Variants in IGF1R observed in about 807,000 individuals in gnomAD.
IGF1R encodes insulin like growth factor 1 receptor, also known as insulin-like growth factor 1 receptor.
Under a neutral mutation model 144.6 loss-of-function variants are expected in IGF1R, and 44 were observed. That is an observed-to-expected ratio of 0.30 (90% confidence interval 0.24 to 0.39). The LOEUF is 0.39. Ranked by LOEUF, IGF1R falls within the 10% of genes least tolerant of loss-of-function variation. The pLI is 1.00. For synonymous variants in IGF1R, 795 were observed against 722.8 expected (o/e 1.10, Z -1.60); for missense variants, 1,355 against 1,833.7 (o/e 0.74, Z 4.77).
At position 98,870,170 on chromosome 15, in the gene IGF1R, A is replaced by G. The variant is rs189840698; in HGVS notation, c.641-21155A>G. Reference sequence around the variant, plus strand: ...CAGTTCAGTGACAGTAAGAACATTCACATTGTTTTGCAGCCGTGACCATCA... The same window carrying G: ...CAGTTCAGTGACAGTAAGAACATTCGCATTGTTTTGCAGCCGTGACCATCA... On this transcript the variant is annotated intron_variant, in intron 2 of 20. Transcript: ENST00000650285. Among the ~76,000 whole-genome samples the G allele has an allele frequency of 5.4e-4, 83 of 152,368 alleles. No homozygotes were observed. The East Asian group carries it at 0.015, about 28-fold the overall frequency.
In IGF1R at chr15:98,717,693, A is replaced by G. The variant is rs8037148; in HGVS notation, c.640+9586A>G. On this transcript the variant is annotated intron_variant, in intron 2 of 20. Transcript: ENST00000650285. The stretch of plus-strand genomic sequence containing the variant: ...AATTTATTTTGTTTGCAAGTTTGGT[A>G]TTTGGGAGCATTTAAGAAATATCCA... 6.0e-3 allele frequency among the ~76,000 whole-genome samples: 907 copies of G among 152,286 alleles called. 12 individuals are homozygous for G. The highest frequency in any genetic ancestry group is 0.021 in the African/African-American group (884 of 41,556).
At chr15:98,942,119 T>C (rs2151717884) in intron 18 of IGF1R, among the ~76,000 whole-genome samples, 1 of 152,288 alleles carries the variant, frequency 6.6e-6, no homozygotes, top group African/African-American at 2.4e-5. Context: ...ACTTTTGTCA[T>C]CATGAATTGT....
intron 19 of IGF1R, among the ~76,000 whole-genome samples, chr15:98,946,125 C>T (rs2151723355): frequency 1.4e-5 from 2 of 146,370 alleles, no homozygotes; most frequent in Middle Eastern, 6.8e-3. Flanking sequence ...GCATCATCTT[C>T]TTCACAGAAG....
At chr15:98,878,899 G>C (rs2013222459) in intron 2 of IGF1R, among the ~76,000 whole-genome samples, 1 of 152,090 alleles carries the variant, frequency 6.6e-6, no homozygotes, top group Admixed American at 6.5e-5. Flanking sequence ...GGGAAGCTGA[G>C]GCAGGAGAAT....
intron 20 of IGF1R, 43 bp from the exon 21 acceptor site, chr15:98,957,018 C>T (rs568877877): frequency 2.5e-5 from 40 of 1,612,104 alleles, no homozygotes; most frequent in African/African-American, 1.5e-4. Flanking sequence ...TGGCCATGTG[C>T]GCCCTCCCGG....
At position 98,957,379 on chromosome 15, in the gene IGF1R, C is replaced by G; in HGVS notation, c.4041C>G (p.Ala1347=). The G allele has an allele frequency of 6.2e-7, 1 of 1,613,414 alleles. No individual in the cohort carries two copies. Among genetic ancestry groups the G allele is most frequent in the Non-Finnish European group, 8.5e-7 (1 of 1,179,996 alleles). ...GCTTCGACGAGAGACAGCCTTACGC[C>G]CACATGAACGGGGGCCGCAAGAACG... The part of the protein sequence containing the change: ...RASFDERQPY[A]HMNGGRKNER... The change falls in exon 21 of 21, where the codon GCC becomes GCG. Residue 1347 remains alanine (A), a synonymous_variant. Coordinates refer to ENST00000650285, the MANE Select transcript of IGF1R (RefSeq NM_000875.5).
rs1473641896 is a variant in IGF1R at position 98,935,522 on chromosome 15, T to C, written c.3297+96T>C. On this transcript the variant is annotated intron_variant, in intron 17 of 20. Transcript: ENST00000650285. The surrounding 1 kb of genome is among the most constrained non-coding windows in gnomAD (Gnocchi z 4.2). ...AGGAAATGCTGTGTCTTTAAATCAG[T>C]TTACTTTCCAGCATCCAGTGTTTCT... 2.5e-6 allele frequency: 2 copies of C among 799,776 alleles called. No homozygotes were observed. Among genetic ancestry groups the C allele is most frequent in the African/African-American group, 1.7e-5 (1 of 58,792 alleles). The allele number at this position is 799,776 out of a possible 1,614,324, so 49.5% of individuals were successfully genotyped here. A position where few individuals can be genotyped will look rare whatever the true frequency, so the allele number is the denominator to read the frequency against.
At chr15:98,837,306 T>G (rs938389826) in intron 2 of IGF1R, among the ~76,000 whole-genome samples, 18 of 152,142 alleles carry the variant, frequency 1.2e-4, no homozygotes, top group African/African-American at 4.3e-4. Context: ...TGGCGCAATC[T>G]CGGCTCACTG....
intron 10 of IGF1R, among the ~76,000 whole-genome samples, chr15:98,917,263 T>C (rs1332949770): frequency 2.0e-5 from 3 of 152,190 alleles, no homozygotes; most frequent in Non-Finnish European, 4.4e-5. Flanking sequence ...TAATTATCTT[T>C]ACTGCCTCTC....
chr15:98,854,461 CTCTG>C (rs1478459440), intron 2 of IGF1R, among the ~76,000 whole-genome samples: 1 of 152,196 alleles, frequency 6.6e-6, no homozygotes, highest in Non-Finnish European at 1.5e-5. Context: ...ACTTCCCCTT[CTCTG>C]TCTGGTAAAT....
intron 20 of IGF1R, among the ~76,000 whole-genome samples, chr15:98,956,507 C>A (rs925750491): frequency 1.3e-5 from 2 of 152,232 alleles, no homozygotes; most frequent in Admixed American, 6.5e-5. Flanking sequence ...CAAGCCTGGC[C>A]TCACAGTGCC....
At position 98,745,861 on chromosome 15, in the gene IGF1R, C is replaced by T. The variant is rs548163893; in HGVS notation, c.640+37754C>T. 5.9e-5 allele frequency among the ~76,000 whole-genome samples: 9 copies of T among 152,308 alleles called. 1 individual carries two copies. The highest frequency in any genetic ancestry group is 5.8e-4 in the East Asian group (3 of 5,186). Reference sequence around the variant, plus strand: ...GGAAGGCAAATTGGCGTTATAAATGCGTGTTACCTTTGACCCAGAAATTCT... The same window carrying T: ...GGAAGGCAAATTGGCGTTATAAATGTGTGTTACCTTTGACCCAGAAATTCT... On this transcript the variant is annotated intron_variant, in intron 2 of 20. Transcript: ENST00000650285.
At chr15:98,686,479 G>C (rs2053330995) in intron 1 of IGF1R, among the ~76,000 whole-genome samples, 1 of 152,000 alleles carries the variant, frequency 6.6e-6, no homozygotes, top group South Asian at 2.1e-4. Context: ...TTAATTTTTT[G>C]AGGAACCACT....
In IGF1R at chr15:98,895,239, C is replaced by G. The variant is rs1234735380; in HGVS notation, c.954-1518C>G. Reference sequence around the variant, plus strand: ...ACACAGCACCACACACACACACACACACACACACACACACACACACACACA... The same window carrying G: ...ACACAGCACCACACACACACACACAGACACACACACACACACACACACACA... On this transcript the variant is annotated intron_variant, in intron 3 of 20. Coordinates refer to ENST00000650285, the MANE Select transcript of IGF1R (RefSeq NM_000875.5). 3.0e-4 allele frequency among the ~76,000 whole-genome samples: 20 copies of G among 66,642 alleles called. 1 individual carries two copies. The highest frequency in any genetic ancestry group is 8.4e-4 in the East Asian group (2 of 2,376). 43.7% of individuals were successfully genotyped at this position (66,642 alleles called of 152,430 possible). A position where few individuals can be genotyped will look rare whatever the true frequency, so the allele number is the denominator to read the frequency against.
At position 98,902,415 on chromosome 15, in the gene IGF1R, CTT is replaced by C. The variant is rs11434197; in HGVS notation, c.1247+2813_1247+2814del. Among the ~76,000 whole-genome samples the C allele has an allele frequency of 7.6e-3, 908 of 119,790 alleles. 13 individuals carry two copies. The highest frequency in any genetic ancestry group is 0.026 in the African/African-American group (833 of 32,042). The allele number at this position is 119,790 out of a possible 152,430, so 78.6% of individuals were successfully genotyped here. A position where few individuals can be genotyped will look rare whatever the true frequency, so the allele number is the denominator to read the frequency against. ...ACACGTGTCACACTATTTTCTTGAACTTTTTTTTTTTTTTTTTTTTGAGATGG... is the reference window on the plus strand; with the variant it reads ...ACACGTGTCACACTATTTTCTTGAACTTTTTTTTTTTTTTTTTTGAGATGG... On this transcript the variant is annotated intron_variant, in intron 5 of 20. Transcript: ENST00000650285.
intron 1 of IGF1R, among the ~76,000 whole-genome samples, chr15:98,678,982 T>G (rs966943739): frequency 5.4e-5 from 8 of 146,912 alleles, no homozygotes; most frequent in Non-Finnish European, 1.2e-4. Flanking sequence ...TGTACAGTGG[T>G]GTGGTCATGG....
chr15:98,731,954 C>G (rs924070869), intron 2 of IGF1R, among the ~76,000 whole-genome samples: 8 of 152,168 alleles, frequency 5.3e-5, no homozygotes, highest in Non-Finnish European at 1.5e-5. Flanking sequence ...AGTTGGATTC[C>G]TCTCAGAGAG....
chr15:98,924,116 C>A, intron 12 of IGF1R, 104 bp downstream of exon 12: 1 of 1,141,828 alleles, frequency 8.8e-7, no homozygotes, highest in Non-Finnish European at 1.3e-6. Flanking sequence ...GGACTTAAAA[C>A]AATAAAATCC....
At chr15:98,934,748 G>C (rs1437955487) in intron 15 of IGF1R, 76 bp from the exon 16 acceptor site, 16 of 1,242,106 alleles carry the variant, frequency 1.3e-5, no homozygotes, top group South Asian at 7.4e-5. Flanking sequence ...ATATTCTTTG[G>C]CTTAGAGTTC....
Sources: allele counts gnomAD v4.1 joint callset (sites outside exome capture counted in the v4.1 genomes callset), GRCh38; gene constraint gnomAD v4.1.1; non-coding constraint Gnocchi (gnomAD v3.1); transcripts MANE v1.5; gene names NCBI Gene and HGNC (gene_info 2026-07-23, HGNC 2026-07-21).